The following PCDHGA8 variants were observed in gnomAD, a reference collection of about 807,000 sequenced individuals.
PCDHGA8 encodes protocadherin gamma-A8.
In PCDHGA8, 45 loss-of-function variants were observed where a neutral mutation model predicts 59.2. The observed-to-expected ratio is 0.76, with a 90% CI of 0.60 to 0.98. PCDHGA8 has a LOEUF of 0.98. Among genes scored for constraint, PCDHGA8 ranks in the 50% least tolerant of loss-of-function variants. The pLI, the probability that PCDHGA8 is intolerant of heterozygous loss-of-function variation, is 0.00. For missense variants in PCDHGA8, 1,257 were observed against 1,196.2 expected, an observed-to-expected ratio of 1.05 and a Z score of -0.75; for synonymous variants, 531 against 519.0, an observed-to-expected ratio of 1.02 and a Z score of -0.32.
chr5:141,433,048 G>T (rs777523454), intron 1 of PCDHGA8: 20 of 1,614,142 alleles, frequency 1.2e-5, no homozygotes, highest in Non-Finnish European at 1.5e-5. Flanking sequence ...CCACGGACTC[G>T]CGGAAGAGTC....
intron 1 of PCDHGA8, chr5:141,428,404 T>A (rs375988962): frequency 2.3e-5 from 11 of 476,688 alleles, no homozygotes; most frequent in East Asian, 2.1e-4. Flanking sequence ...TGCCTGGGGT[T>A]GCTTTCACCC....
intron 1 of PCDHGA8, chr5:141,430,959 T>A: frequency 6.2e-7 from 1 of 1,612,026 alleles, no homozygotes; most frequent in Non-Finnish European, 8.5e-7. Flanking sequence ...GTCCGCATCA[T>A]CCCCAGAGGT....
At chr5:141,404,949 A>G in intron 1 of PCDHGA8, 1 of 1,613,834 alleles carries the variant, frequency 6.2e-7, no homozygotes, top group Non-Finnish European at 8.5e-7. Flanking sequence ...GCCATAGCTG[A>G]CAGCATCCCA....
At chr5:141,455,185 T>C (rs1334330699) in intron 1 of PCDHGA8, among the ~76,000 whole-genome samples, 1 of 152,064 alleles carries the variant, frequency 6.6e-6, no homozygotes, top group Admixed American at 6.6e-5. Flanking sequence ...TTTTTATTTC[T>C]CTACAAATTT....
Position 141,489,866 on chromosome 5 carries a change from A to AGCTGGT in PCDHGA8, c.2425-4937_2425-4932dup. ...GATCGTGAAGCCCAGGCAAGACATC[A>AGCTGGT]GCTGGTGCTTACTGCTGTGGATGGG... On this transcript the variant is annotated intron_variant, in intron 1 of 3. Coordinates refer to ENST00000398604, the MANE Select transcript of PCDHGA8 (RefSeq NM_032088.2). The surrounding 1 kb of genome is among the most constrained non-coding windows in gnomAD (Gnocchi z 4.5). The AGCTGGT allele has an allele frequency of 1.2e-6, 2 of 1,614,220 alleles. No individual in the cohort carries two copies. The highest frequency in any genetic ancestry group is 1.7e-6 in the Non-Finnish European group (2 of 1,180,018).
chr5:141,491,479 C>T lies in PCDHGA8; in HGVS notation c.2425-3328C>T. On this transcript the variant is annotated intron_variant, in intron 1 of 3. Transcript: ENST00000398604. The surrounding 1 kb of genome is among the most constrained non-coding windows in gnomAD (Gnocchi z 6.9). ...CCCGGACTTCTATAAGCAGTCCAGCCCCAACCTGCAGGTGAGCTCGGACGG... is the reference window on the plus strand; with the variant it reads ...CCCGGACTTCTATAAGCAGTCCAGCTCCAACCTGCAGGTGAGCTCGGACGG... 1 of 1,614,144 alleles carries T rather than the reference C, an allele frequency of 6.2e-7. No homozygotes were observed. Among genetic ancestry groups the T allele is most frequent in the Non-Finnish European group, 8.5e-7 (1 of 1,180,024 alleles).
intron 1 of PCDHGA8, chr5:141,409,337 A>T: frequency 6.2e-7 from 1 of 1,614,012 alleles, no homozygotes; most frequent in Non-Finnish European, 8.5e-7. Flanking sequence ...TTTCGGAGGA[A>T]ATGGAGAAGT....
At chr5:141,437,381 C>T (rs2097879875) in intron 1 of PCDHGA8, among the ~76,000 whole-genome samples, 1 of 152,222 alleles carries the variant, frequency 6.6e-6, no homozygotes, top group Non-Finnish European at 1.5e-5. Flanking sequence ...AGTCAGAAGA[C>T]ATTCATCCAC....
chr5:141,396,860 T>C (rs1273570477), intron 1 of PCDHGA8, among the ~76,000 whole-genome samples: 1 of 152,230 alleles, frequency 6.6e-6, no homozygotes, highest in African/African-American at 2.4e-5. Flanking sequence ...ATAGTTTGTG[T>C]ACCATTTGGA....
intron 1 of PCDHGA8, chr5:141,408,042 C>T (rs2095031452): frequency 1.7e-6 from 2 of 1,204,046 alleles, no homozygotes; most frequent in Non-Finnish European, 2.2e-6. Flanking sequence ...AACCAGCTCC[C>T]ACACAGAGCC....
intron 1 of PCDHGA8, chr5:141,422,845 G>A: frequency 6.2e-7 from 1 of 1,614,230 alleles, no homozygotes; most frequent in Non-Finnish European, 8.5e-7. Context: ...TGACAGCGGG[G>A]ACCCGCCCCT....
In PCDHGA8 at chr5:141,447,157, T is replaced by A. The variant is rs569196292; in HGVS notation, c.2425-47650T>A. On this transcript the variant is annotated intron_variant, in intron 1 of 3. Transcript: ENST00000398604. The stretch of plus-strand genomic sequence containing the variant: ...TTTGTTTTTTGTTTTTGTTTTTGTT[T>A]AAGCGGGGTCTTGCTCTTGTCGCGC... Among the ~76,000 whole-genome samples the A allele has an allele frequency of 4.1e-4, 62 of 152,254 alleles. No homozygotes were observed. The South Asian group carries it at 0.013, about 31-fold the overall frequency.
At chr5:141,413,118 G>C (rs999214227) in intron 1 of PCDHGA8, 1 of 1,517,152 alleles carries the variant, frequency 6.6e-7, no homozygotes, top group Non-Finnish European at 8.9e-7. Flanking sequence ...CAAAGGAACC[G>C]GTTGAAACAC....
intron 1 of PCDHGA8, chr5:141,400,528 A>T (rs764084750): frequency 1.9e-6 from 3 of 1,613,868 alleles, no homozygotes; most frequent in Non-Finnish European, 2.5e-6. Context: ...TGAGTTGGTG[A>T]GTTTCATTTA....
Position 141,395,215 on chromosome 5 carries a change from A to G in PCDHGA8, c.2402A>G (p.Lys801Arg). The change falls in exon 1 of 4, where the codon AAG becomes AGG. Residue 801 changes from lysine (K) to arginine (R), a missense_variant. By Grantham distance (26) the Lys-to-Arg change is conservative (BLOSUM62 2). Coordinates refer to ENST00000398604, the MANE Select transcript of PCDHGA8 (RefSeq NM_032088.2). ...LLTSVDFHEY[K>R]NEADHGQQAP... ...ACATCCGTAGATTTTCATGAATATA[A>G]GAATGAAGCTGATCATGGTCAGGTG... 1 of 1,612,350 alleles carries G rather than the reference A, an allele frequency of 6.2e-7. No individual in the cohort carries two copies. The highest frequency in any genetic ancestry group is 1.7e-4 in the Middle Eastern group (1 of 6,054).
At position 141,413,842 on chromosome 5, in the gene PCDHGA8, G is replaced by T. The variant is rs1181086477; in HGVS notation, c.2424+18605G>T. 6.2e-6 allele frequency: 10 copies of T among 1,613,176 alleles called. No homozygotes were observed. In the Admixed American group the frequency reaches 1.7e-4, roughly 27 times the overall value. The stretch of plus-strand genomic sequence containing the variant: ...GGTCCTCACCGCCTCCGACGGGGGT[G>T]ACCCTCTCCGATCTGGCACTGTCCT... On this transcript the variant is annotated intron_variant, in intron 1 of 3. Transcript: ENST00000398604.
At chr5:141,419,782 C>T (rs765128711) in intron 1 of PCDHGA8, 9 of 1,614,058 alleles carry the variant, frequency 5.6e-6, no homozygotes, top group Non-Finnish European at 7.6e-6. Flanking sequence ...TCCGCCAGCG[C>T]CTGCTAGTCG....
Position 141,394,259 on chromosome 5 carries a change from G to T in PCDHGA8, c.1446G>T (p.Gln482His), listed in dbSNP as rs1367261725. The change falls in exon 1 of 4, where the codon CAG becomes CAT. Residue 482 changes from glutamine to histidine, a missense_variant. By Grantham distance (24) the Gln-to-His change is conservative. Transcript: ENST00000398604. ...FSLTAHDPDS[Q>H]ENAQVTYSVT... is the part of the protein sequence containing the mutation. ...TGACTGCACACGACCCCGACAGCCAGGAGAATGCCCAGGTCACTTACTCTG... is the reference window on the plus strand; with the variant it reads ...TGACTGCACACGACCCCGACAGCCATGAGAATGCCCAGGTCACTTACTCTG... The T allele has an allele frequency of 1.9e-6, 3 of 1,613,936 alleles. No individual in the cohort carries two copies. The highest frequency in any genetic ancestry group is 2.7e-5 in the African/African-American group (2 of 75,026).
At chr5:141,424,547 T>A (rs1484479408) in intron 1 of PCDHGA8, 2 of 152,238 alleles carry the variant, frequency 1.3e-5, no homozygotes, top group African/African-American at 4.8e-5. Flanking sequence ...AACTTGATTT[T>A]GATTCAGTGC....
Sources: allele counts gnomAD v4.1 joint callset (sites outside exome capture counted in the v4.1 genomes callset), GRCh38; gene constraint gnomAD v4.1.1; non-coding constraint Gnocchi (gnomAD v3.1); transcripts MANE v1.5; gene names NCBI Gene and HGNC (gene_info 2026-07-23, HGNC 2026-07-21).